PWWP2A: variants seen among roughly 807,000 people sequenced by gnomAD.
PWWP2A encodes PWWP domain-containing protein 2A.
Under a neutral mutation model 48.5 loss-of-function variants are expected in PWWP2A, and 18 were observed. The ratio of observed to expected loss-of-function variants is 0.37; its 90% confidence interval spans 0.26 to 0.55. The LOEUF (loss-of-function observed/expected upper bound fraction) is 0.55, where lower values mean the gene tolerates loss of function less well. PWWP2A is among the 20% of genes least tolerant of loss of function. The pLI, the probability that PWWP2A is intolerant of heterozygous loss-of-function variation, is 0.81. For synonymous variants in PWWP2A, 396 were observed against 387.7 expected (o/e 1.02, Z -0.25); for missense variants, 867 against 976.4 (o/e 0.89, Z 1.49).
At chr5:160,071,346 T>C (rs1753735093), downstream of PWWP2A, among the ~76,000 whole-genome samples, 1 of 152,104 alleles carries the variant, frequency 6.6e-6, no homozygotes, top group African/African-American at 2.4e-5. Context: ...TTTAGAGGCA[T>C]TTTACTGCCT....
At chr5:160,082,054 A>ATC (rs1754269643) in intron 2 of PWWP2A, among the ~76,000 whole-genome samples, 1 of 152,216 alleles carries the variant, frequency 6.6e-6, no homozygotes, top group African/African-American at 2.4e-5. Flanking sequence ...AGATTTAATA[A>ATC]TGAGGTATTT....
chr5:160,086,577 G>T (rs534379086), downstream of PWWP2A, among the ~76,000 whole-genome samples: 2 of 151,910 alleles, frequency 1.3e-5, no homozygotes, highest in South Asian at 4.2e-4. Flanking sequence ...AACCAAGTTT[G>T]CTATTGGTGT....
At chr5:160,065,517 T>A (rs1753582179) in intron 4 of PWWP2A, 2 of 410,676 alleles carry the variant, frequency 4.9e-6, no homozygotes, top group East Asian at 1.4e-4. Context: ...TGATTTCCTC[T>A]GTGGTAATAA....
At chr5:160,071,326 G>A (rs140716457), downstream of PWWP2A, among the ~76,000 whole-genome samples, 1,292 of 152,252 alleles carry the variant, frequency 8.5e-3, 15 homozygotes, top group African/African-American at 0.029. Context: ...AAGACCCGGC[G>A]CAGGAGCTTT....
At chr5:160,098,245 G>C (rs2113570816) in intron 1 of PWWP2A, among the ~76,000 whole-genome samples, 1 of 152,236 alleles carries the variant, frequency 6.6e-6, no homozygotes. Context: ...TAGTAACATA[G>C]GGAAGAAGCA....
At chr5:160,069,414 G>C (rs1753690844) in intron 2 of PWWP2A, among the ~76,000 whole-genome samples, 1 of 152,202 alleles carries the variant, frequency 6.6e-6, no homozygotes, top group Non-Finnish European at 1.5e-5. Context: ...ATTGCCCAAA[G>C]TGGCCACCTC....
chr5:160,109,777 ATATATATATATATATAT>A (rs1757309226), intron 1 of PWWP2A, among the ~76,000 whole-genome samples: 1 of 32,554 alleles, frequency 3.1e-5, no homozygotes, highest in African/African-American at 1.2e-4. Flanking sequence ...AAAAAAAAAT[ATATATATATATATATAT>A]ATATATATAT....
intron 1 of PWWP2A, among the ~76,000 whole-genome samples, chr5:160,108,101 T>C (rs1757083520): frequency 6.6e-6 from 1 of 152,156 alleles, no homozygotes; most frequent in Non-Finnish European, 1.5e-5. Context: ...AGTTTTATTT[T>C]TAATTCCATA....
At chr5:160,055,443 T>C in the PWWP2A span, among the ~76,000 whole-genome samples, 1 of 152,204 alleles carries the variant, frequency 6.6e-6, no homozygotes, top group Admixed American at 6.5e-5. Flanking sequence ...TTACAATTCA[T>C]TTTTTAATAT....
chr5:160,090,327 C>T, downstream of PWWP2A: 2 of 984,610 alleles, frequency 2.0e-6, no homozygotes, highest in Non-Finnish European at 2.4e-6. Flanking sequence ...CTTGGAATTA[C>T]ATATTTTGAT....
chr5:160,054,474 G>C, the PWWP2A span, among the ~76,000 whole-genome samples: 59 of 152,192 alleles, frequency 3.9e-4, no homozygotes, highest in African/African-American at 1.3e-3. Flanking sequence ...AATTAGCCAG[G>C]CGTGGTAGCA....
chr5:160,084,102 C>T (rs951529683), intron 2 of PWWP2A, among the ~76,000 whole-genome samples: 4 of 152,132 alleles, frequency 2.6e-5, no homozygotes, highest in Admixed American at 6.5e-5. Flanking sequence ...CAGAATTTAC[C>T]GTGCAACACA....
At position 160,091,397 on chromosome 5, in the gene PWWP2A, T is replaced by C; in HGVS notation, c.*985A>G. ...TTTGGTTTTTTTTTTTTTTTTTACA[T>C]TTCAGAGCATTACACAATTACATTT... On this transcript the variant is annotated 3_prime_UTR_variant, in exon 2 of 2. Transcript: ENST00000307063. 1.1e-6 allele frequency: 1 copy of C among 915,332 alleles called. No individual in the cohort carries two copies. Among genetic ancestry groups the C allele is most frequent in the Non-Finnish European group, 1.3e-6 (1 of 767,254 alleles). 56.7% of individuals were successfully genotyped at this position (915,332 alleles called of 1,614,324 possible). A position where few individuals can be genotyped will look rare whatever the true frequency, so the allele number is the denominator to read the frequency against.
intron 4 of PWWP2A, among the ~76,000 whole-genome samples, chr5:160,066,295 C>CTTTTTTTTTTTTTTTT (rs748083955): frequency 8.6e-5 from 5 of 57,986 alleles, no homozygotes; most frequent in African/African-American, 2.8e-4. Context: ...AAGTGGTTCT[C>CTTTTTTTTTTTTTTTT]ATTTTTTTTT....
rs1294217946 is a variant in PWWP2A at position 160,080,737 on chromosome 5, ACTGT to A, written c.1579_1582del (p.Thr527Ter). Reference sequence around the variant, plus strand: ...CTGTAAGGGAGCAGCAGGACTCGTCACTGTCTGATGTAATAGCTGCCATTTGTTG... The same window carrying A: ...CTGTAAGGGAGCAGCAGGACTCGTCACTGATGTAATAGCTGCCATTTGTTG... On this transcript the variant is annotated frameshift_variant, in exon 3 of 4. Transcript: ENST00000456329. LOFTEE classifies it high-confidence loss of function. 6.4e-7 allele frequency: 1 copy of A among 1,570,622 alleles called. No homozygotes were observed. Among genetic ancestry groups the A allele is most frequent in the Non-Finnish European group, 8.7e-7 (1 of 1,155,796 alleles).
rs762131929 is a variant in PWWP2A, at chr5:160,118,776, C to G, written c.584+29G>C. 4.3e-6 allele frequency: 6 copies of G among 1,391,876 alleles called. No homozygotes were observed. The East Asian group carries it at 1.8e-4, about 42-fold the overall frequency. The allele number at this position is 1,391,876 out of a possible 1,614,324, so 86.2% of individuals were successfully genotyped here. On this transcript the variant is annotated intron_variant, in intron 1 of 1. Transcript: ENST00000307063. ...ACTCCCTCCCTGGGGACCCAGCGGA[C>G]CGGAGGGTGCTGGGGGCGGGCGCGG...
At chr5:160,061,451 C>T (rs1286751921), downstream of PWWP2A, among the ~76,000 whole-genome samples, 1 of 152,098 alleles carries the variant, frequency 6.6e-6, no homozygotes, top group Admixed American at 6.5e-5. Flanking sequence ...GTGTATAGAC[C>T]ATGTCATGTA....
chr5:160,059,783 A>G (rs1046343813), downstream of PWWP2A, among the ~76,000 whole-genome samples: 2 of 152,204 alleles, frequency 1.3e-5, no homozygotes, highest in Non-Finnish European at 2.9e-5. Flanking sequence ...CAGATCATTG[A>G]TTACAGATCA....
rs1368394396 is a variant in PWWP2A at position 160,093,018 on chromosome 5, A to G, written c.1632T>C (p.His544=). Residue 544 remains histidine, a synonymous_variant, in exon 2 of 2, where the codon CAT becomes CAC. Transcript: ENST00000307063. The surrounding 1 kb of genome is among the most constrained non-coding windows in gnomAD (Gnocchi z 5.8). ...GTGGTTCATCCTGATCACCAGGCAC[A>G]TGCACTTCATTTGTGTCCTGAACCT... The part of the protein sequence containing the change: ...SSEVQDTNEV[H]VPGDQDEPQT... 1 of 1,594,538 alleles carries G rather than the reference A, an allele frequency of 6.3e-7. No homozygotes were observed. Among genetic ancestry groups the G allele is most frequent in the Non-Finnish European group, 8.5e-7 (1 of 1,170,044 alleles).
Sources: gnomAD v4.1 joint callset for allele counts (sites outside exome capture counted in the v4.1 genomes callset) on GRCh38, gnomAD v4.1.1 for gene constraint, Gnocchi (gnomAD v3.1) non-coding constraint, MANE v1.5 for transcripts, NCBI Gene and HGNC (gene_info 2026-07-23, HGNC 2026-07-21) for gene names.